SLC10A7: variants seen among roughly 807,000 people sequenced by gnomAD.
SLC10A7 encodes sodium/bile acid cotransporter 7.
A neutral mutation model predicts 43.2 loss-of-function variants in SLC10A7; 29 were observed. The observed-to-expected ratio is 0.67, with a 90% CI of 0.50 to 0.92. The LOEUF (loss-of-function observed/expected upper bound fraction) is 0.92. Ranked by LOEUF, SLC10A7 falls within the 40% of genes least tolerant of loss-of-function variation. The pLI is 0.00. For synonymous variants in SLC10A7, 152 were observed against 144.8 expected, an observed-to-expected ratio of 1.05 and a Z score of -0.35; for missense variants, 295 against 403.2, an observed-to-expected ratio of 0.73 and a Z score of 2.30.
intron 5 of SLC10A7, among the ~76,000 whole-genome samples, chr4:146,345,866 C>A (rs1734586838): frequency 1.3e-5 from 2 of 152,020 alleles, no homozygotes; most frequent in Admixed American, 6.6e-5. Flanking sequence ...AGCATTCCTC[C>A]TAGATACTGT....
chr4:146,354,350 C>G (rs1354620522), intron 5 of SLC10A7, among the ~76,000 whole-genome samples: 1 of 152,124 alleles, frequency 6.6e-6, no homozygotes, highest in African/African-American at 2.4e-5. Context: ...AGGACCTCTT[C>G]AAGGAGAATT....
At chr4:146,451,045 GAT>G (rs1731538379) in intron 4 of SLC10A7, among the ~76,000 whole-genome samples, 1 of 151,158 alleles carries the variant, frequency 6.6e-6, no homozygotes, top group Non-Finnish European at 1.5e-5. Context: ...ACAGATTAAA[GAT>G]CTAGATGTGG....
At chr4:146,355,991 T>A (rs1735574702) in intron 5 of SLC10A7, among the ~76,000 whole-genome samples, 2 of 150,218 alleles carry the variant, frequency 1.3e-5, no homozygotes, top group Non-Finnish European at 3.0e-5. Flanking sequence ...TATACATATG[T>A]AACTAACCTG....
intron 2 of SLC10A7, among the ~76,000 whole-genome samples, chr4:146,513,545 G>C (rs1431488441): frequency 6.6e-6 from 1 of 152,108 alleles, no homozygotes; most frequent in African/African-American, 2.4e-5. Flanking sequence ...AATGTGCTTA[G>C]AAAATACTGC....
At chr4:146,407,479 T>C (rs146631424) in intron 5 of SLC10A7, among the ~76,000 whole-genome samples, 4 of 152,324 alleles carry the variant, frequency 2.6e-5, no homozygotes, top group African/African-American at 9.6e-5. Flanking sequence ...TACAAAAGAT[T>C]TCTAGAACTT....
At chr4:146,355,134 A>G (rs1476257360) in intron 5 of SLC10A7, among the ~76,000 whole-genome samples, 1 of 148,298 alleles carries the variant, frequency 6.7e-6, no homozygotes, top group Non-Finnish European at 1.5e-5. Context: ...TTCGCAACCT[A>G]CTCATCTGAC....
intron 5 of SLC10A7, among the ~76,000 whole-genome samples, chr4:146,362,846 C>A (rs1299344530): frequency 1.3e-5 from 2 of 150,026 alleles, no homozygotes; most frequent in African/African-American, 2.4e-5. Flanking sequence ...AAACACAAAG[C>A]AAAAATCTAT....
intron 5 of SLC10A7, among the ~76,000 whole-genome samples, chr4:146,351,651 C>A (rs1735115136): frequency 6.6e-6 from 1 of 151,892 alleles, no homozygotes; most frequent in South Asian, 2.1e-4. Context: ...TCGGGTTACC[C>A]TCAAAGGGAA....
chr4:146,362,021 T>C (rs1736079887), intron 5 of SLC10A7, among the ~76,000 whole-genome samples: 1 of 151,762 alleles, frequency 6.6e-6, no homozygotes, highest in South Asian at 2.1e-4. Flanking sequence ...TGAAGACAGG[T>C]ATATAAAAAT....
chr4:146,294,062 T>C lies in SLC10A7; in HGVS notation c.589A>G (p.Arg197Gly), dbSNP rs1367874525. The change falls in exon 8 of 12, where the codon AGA (arginine) becomes GGA (glycine). Residue 197 changes from arginine to glycine, a missense_variant. Around this residue, in one of 2 missense-constraint regions of SLC10A7, gnomAD observed 242 missense variants for 362.5 expected, o/e 0.67. Coordinates refer to ENST00000335472, the MANE Select transcript of SLC10A7 (RefSeq NM_001029998.6). ...ATAGCACCAAAAGGAGGCTTCTTTC[T>C]CTCAAGCCAATCCTTGATGTATCTT... ...VRRYIKDWLERKKPPFGAISS... is the reference protein window; with the variant it reads ...VRRYIKDWLEGKKPPFGAISS... 3 of 1,611,136 alleles carry C rather than the reference T, an allele frequency of 1.9e-6. No individual in the cohort carries two copies. Among genetic ancestry groups the C allele is most frequent in the Non-Finnish European group, 8.5e-7 (1 of 1,178,162 alleles).
At chr4:146,327,197 C>T (rs1434480133) in intron 5 of SLC10A7, among the ~76,000 whole-genome samples, 1 of 152,140 alleles carries the variant, frequency 6.6e-6, no homozygotes, top group Non-Finnish European at 1.5e-5. Flanking sequence ...CTTTCTGGGG[C>T]ATATACACAT....
chr4:146,314,166 G>A (rs1446287423), intron 6 of SLC10A7, among the ~76,000 whole-genome samples: 1 of 152,092 alleles, frequency 6.6e-6, no homozygotes, highest in East Asian at 1.9e-4. Context: ...ATAAAGTGAA[G>A]ATAATACCTC....
chr4:146,302,584 G>C (rs113698744), intron 7 of SLC10A7, among the ~76,000 whole-genome samples: 1 of 152,178 alleles, frequency 6.6e-6, no homozygotes, highest in Admixed American at 6.5e-5. Context: ...TTCAAAGAAG[G>C]CTTCATTAAA....
intron 5 of SLC10A7, among the ~76,000 whole-genome samples, chr4:146,381,171 C>T (rs1013557522): frequency 5.9e-5 from 9 of 152,144 alleles, no homozygotes; most frequent in African/African-American, 2.2e-4. Flanking sequence ...AAAGCTTAAG[C>T]ATCATTAGCT....
At chr4:146,305,546 C>CA (rs1409200313) in intron 7 of SLC10A7, among the ~76,000 whole-genome samples, 1 of 146,250 alleles carries the variant, frequency 6.8e-6, no homozygotes, top group African/African-American at 2.5e-5. Context: ...GCACAATGTG[C>CA]ACATGTACCC....
intron 5 of SLC10A7, among the ~76,000 whole-genome samples, chr4:146,414,637 C>T (rs1308892264): frequency 2.0e-5 from 3 of 151,804 alleles, no homozygotes; most frequent in African/African-American, 7.3e-5. Flanking sequence ...GCCAGAGAAC[C>T]ACTTGAACCC....
intron 6 of SLC10A7, among the ~76,000 whole-genome samples, chr4:146,314,384 TG>T: frequency 6.6e-6 from 1 of 152,308 alleles, no homozygotes; most frequent in South Asian, 2.1e-4. Context: ...AAACAGAGCC[TG>T]GTATGTATAT....
At chr4:146,360,724 TG>T (rs1266040543) in intron 5 of SLC10A7, among the ~76,000 whole-genome samples, 1 of 152,168 alleles carries the variant, frequency 6.6e-6, no homozygotes, top group African/African-American at 2.4e-5. Context: ...CCCAAAATGC[TG>T]GGATTACAGG....
rs192143080 is a variant in SLC10A7, at chr4:146,400,540, T to C, written c.435+42243A>G. ...CTCGAATTACTTACTGAGTGACTTA[T>C]CGAAACGTTTTCTGAACATCTACTA... On this transcript the variant is annotated intron_variant, in intron 5 of 11. Transcript: ENST00000335472. Among the ~76,000 whole-genome samples, 18 of 152,218 alleles carry C rather than the reference T, an allele frequency of 1.2e-4. No homozygotes were observed. In the East Asian group the frequency reaches 3.3e-3, roughly 28 times the overall value.
Sources: allele counts gnomAD v4.1 joint callset (sites outside exome capture counted in the v4.1 genomes callset), GRCh38; gene constraint gnomAD v4.1.1; regional missense constraint gnomAD v4.1.1; transcripts MANE v1.5; gene names NCBI Gene and HGNC (gene_info 2026-07-23, HGNC 2026-07-21).